The following SLC6A4 variants were observed in gnomAD, a reference collection of about 807,000 sequenced individuals.
The protein encoded by SLC6A4 is solute carrier family 6 member 4.
In SLC6A4, 22 loss-of-function variants were observed where a neutral mutation model predicts 73.4. The observed-to-expected ratio is 0.30, with a 90% CI of 0.21 to 0.43. The LOEUF is 0.43. Ranked by LOEUF, SLC6A4 falls within the 20% of genes least tolerant of loss-of-function variation. The pLI is 1.00. For missense variants in SLC6A4, 593 were observed against 808.5 expected (o/e 0.73, Z 3.23); for synonymous variants, 270 against 315.5 (o/e 0.86, Z 1.53).
chr17:30,228,970 G>A (rs891309738), intron 1 of SLC6A4, among the ~76,000 whole-genome samples: 12 of 152,214 alleles, frequency 7.9e-5, no homozygotes, highest in African/African-American at 1.9e-4. Flanking sequence ...CTGACTGGGC[G>A]AGGGTGCCAA....
intron 10 of SLC6A4, among the ~76,000 whole-genome samples, chr17:30,210,873 G>T (rs149052106): frequency 3.1e-4 from 47 of 152,274 alleles, no homozygotes; most frequent in African/African-American, 1.1e-3. Flanking sequence ...AATAGCACAC[G>T]TGGACAGAAC....
At chr17:30,200,047 T>C (rs771306995) in intron 14 of SLC6A4, among the ~76,000 whole-genome samples, 8 of 152,176 alleles carry the variant, frequency 5.3e-5, no homozygotes, top group African/African-American at 1.7e-4. Flanking sequence ...TACAGGTGCA[T>C]GGTACGATGC....
In SLC6A4 at chr17:30,221,844, C is replaced by G. The variant is rs757599379; in HGVS notation, c.115G>C (p.Glu39Gln). The G allele has an allele frequency of 1.2e-6, 2 of 1,614,198 alleles. No homozygotes were observed. Among genetic ancestry groups the G allele is most frequent in the South Asian group, 1.1e-5 (1 of 91,086 alleles). ...KVVPTPGDKV[E>Q]SGQISNGYSA... ...TACCCATTGGATATTTGCCCGGACT[C>G]CACTTTGTCCCCTGGGGTGGGAACA... The change falls in exon 3 of 15, where the codon GAG becomes CAG. Residue 39 changes from glutamate (E) to glutamine (Q), a missense_variant. Coordinates refer to ENST00000650711, the MANE Select transcript of SLC6A4 (RefSeq NM_001045.6).
In SLC6A4 at chr17:30,235,391, C is replaced by A. The variant is rs1907239053; in HGVS notation, c.-221+222G>T. 6.6e-6 allele frequency among the ~76,000 whole-genome samples: 1 copy of A among 152,330 alleles called. No homozygotes were observed. The highest frequency in any genetic ancestry group is 1.9e-4 in the East Asian group (1 of 5,176). ...CCTACGCCCGCCCACTTCGAGCACT[C>A]CACGTTCCTCGTCTCCCACTCTGGC... On this transcript the variant is annotated intron_variant, in intron 1 of 14. Transcript: ENST00000650711. The surrounding 1 kb of genome is among the most constrained non-coding windows in gnomAD (Gnocchi z 4.5).
At position 30,207,818 on chromosome 17, in the gene SLC6A4, A is replaced by G. The variant is rs766490168; in HGVS notation, c.1564T>C (p.Cys522Arg). The change falls in exon 13 of 15, where the codon TGC becomes CGC. Residue 522 changes from cysteine to arginine, a missense_variant. By Grantham distance (180) the Cys-to-Arg change is radical. Coordinates refer to ENST00000650711, the MANE Select transcript of SLC6A4 (RefSeq NM_001045.6). ...CCGAGCATTTCCTTCACGTCCCTGC[A>G]GAACTGAGTGATGCCTGGAACCGCC... ...VSWFYGITQF[C>R]RDVKEMLGFS... is the part of the protein sequence containing the mutation. 1 of 1,613,968 alleles carries G rather than the reference A, an allele frequency of 6.2e-7. No individual in the cohort carries two copies. Among genetic ancestry groups the G allele is most frequent in the South Asian group, 1.1e-5 (1 of 91,062 alleles).
intron 3 of SLC6A4, among the ~76,000 whole-genome samples, chr17:30,220,645 A>G (rs949671569): frequency 3.3e-5 from 5 of 152,198 alleles, no homozygotes; most frequent in African/African-American, 1.2e-4. Flanking sequence ...CTGACCTCAC[A>G]CAGGTCCAAA....
chr17:30,209,349 C>A, intron 11 of SLC6A4, 107 bp from the exon 12 acceptor site: 1 of 702,802 alleles, frequency 1.4e-6, no homozygotes, highest in South Asian at 1.7e-5. Flanking sequence ...GGAAAAATCC[C>A]ACCTGGGACC....
intron 1 of SLC6A4, among the ~76,000 whole-genome samples, chr17:30,223,199 T>C (rs745327953): frequency 1.3e-5 from 2 of 152,230 alleles, no homozygotes; most frequent in Non-Finnish European, 2.9e-5. Context: ...GCCTGAGCTT[T>C]TCAAACTCTT....
chr17:30,213,265 C>T (rs1906443860), intron 8 of SLC6A4, among the ~76,000 whole-genome samples: 1 of 151,646 alleles, frequency 6.6e-6, no homozygotes. Context: ...AACTAAGTCA[C>T]AGACTGCCAG....
chr17:30,222,706 G>A (rs1906806186), intron 2 of SLC6A4, 113 bp downstream of exon 2: 1 of 916,212 alleles, frequency 1.1e-6, no homozygotes, highest in Non-Finnish European at 1.6e-6. Context: ...TAGGAAGGTT[G>A]GGGCAGATTT....
At chr17:30,232,367 G>T (rs976315408) in intron 1 of SLC6A4, among the ~76,000 whole-genome samples, 8 of 152,272 alleles carry the variant, frequency 5.3e-5, no homozygotes, top group South Asian at 4.1e-4. Context: ...CTCAAAGAAT[G>T]ACCTGAAGAA....
At position 30,225,830 on chromosome 17, in the gene SLC6A4, T is replaced by A. The variant is rs55940210; in HGVS notation, c.-220-2915A>T. ...GGAGTGGTTGACTTTCTCTTAACTC[T>A]CCTGAAGCTAATGCACTCCATTCCC... is the stretch of plus-strand genomic sequence containing the variant. On this transcript the variant is annotated intron_variant, in intron 1 of 14. Coordinates refer to ENST00000650711, the MANE Select transcript of SLC6A4 (RefSeq NM_001045.6). Among the ~76,000 whole-genome samples the A allele has an allele frequency of 7.4e-4, 112 of 152,320 alleles. No individual in the cohort carries two copies. The East Asian group carries it at 0.016, about 22-fold the overall frequency.
rs967619325 is a variant in SLC6A4 at position 30,209,201 on chromosome 17, C to T, written c.1491G>A (p.Thr497=). 1.4e-5 allele frequency: 22 copies of T among 1,613,700 alleles called. No individual in the cohort carries two copies. In the Admixed American group the frequency reaches 1.7e-4, roughly 12 times the overall value. The change falls in exon 12 of 15, where the codon ACG becomes ACA. Residue 497 remains threonine, a synonymous_variant. Coordinates refer to ENST00000650711, the MANE Select transcript of SLC6A4 (RefSeq NM_001045.6). ...GCGCGACAGTGAGCACTGCGGGCCC[C>T]GTGGCATACTCCTCCAGCAGCTTCA... The part of the protein sequence containing the change: ...YVVKLLEEYA[T]GPAVLTVALI...
chr17:30,209,655 A>G (rs1906322806), intron 11 of SLC6A4, among the ~76,000 whole-genome samples: 1 of 152,036 alleles, frequency 6.6e-6, no homozygotes. Context: ...AAAAAAAAAA[A>G]AAAAGAAACT....
chr17:30,223,037 C>T (rs1356523833), intron 1 of SLC6A4, 122 bp from the exon 2 acceptor site: 7 of 377,600 alleles, frequency 1.9e-5, no homozygotes, highest in African/African-American at 4.2e-5. Context: ...GTGGCCTGGG[C>T]GCAGGGAAGT....
chr17:30,203,062 G>T, intron 14 of SLC6A4, 110 bp downstream of exon 14: 1 of 860,270 alleles, frequency 1.2e-6, no homozygotes, highest in Non-Finnish European at 1.8e-6. Flanking sequence ...ATATAGGGTT[G>T]CATGCCTCCT....
intron 1 of SLC6A4, among the ~76,000 whole-genome samples, chr17:30,228,658 C>T (rs1906996627): frequency 6.6e-6 from 1 of 152,208 alleles, no homozygotes; most frequent in South Asian, 2.1e-4. Context: ...TAGGCACCAA[C>T]AGTGCCGTGT....
At chr17:30,209,891 T>C (rs535060808) in intron 11 of SLC6A4, among the ~76,000 whole-genome samples, 59 of 152,258 alleles carry the variant, frequency 3.9e-4, no homozygotes, top group East Asian at 3.7e-3. Context: ...CTCTAAAGAC[T>C]GAATCCAGAA....
rs1906602001 is a variant in SLC6A4, at chr17:30,217,109, T to C, written c.837+57A>G. The C allele has an allele frequency of 1.5e-5, 23 of 1,551,516 alleles. 1 individual carries two copies. In the South Asian group the frequency reaches 2.7e-4, roughly 18 times the overall value. ...TCTGTCCAGGCTACTGGGTTTTGAG[T>C]TTGAGAGCCTGTGGGCCCCTGGGCA... is the stretch of plus-strand genomic sequence containing the variant. On this transcript the variant is annotated intron_variant, in intron 6 of 14. Coordinates refer to ENST00000650711, the MANE Select transcript of SLC6A4 (RefSeq NM_001045.6).
Sources: gnomAD v4.1 joint callset for allele counts (sites outside exome capture counted in the v4.1 genomes callset) on GRCh38, gnomAD v4.1.1 for gene constraint, Gnocchi (gnomAD v3.1) non-coding constraint, MANE v1.5 for transcripts, NCBI Gene and HGNC (gene_info 2026-07-23, HGNC 2026-07-21) for gene names.